The following ADGRL3 variants were observed in gnomAD, a reference collection of about 807,000 sequenced individuals.
ADGRL3 encodes calcium-independent alpha-latrotoxin receptor 3.
Under a neutral mutation model 153.5 loss-of-function variants are expected in ADGRL3, and 62 were observed. The ratio of observed to expected loss-of-function variants is 0.40; its 90% CI spans 0.33 to 0.50. ADGRL3 has a LOEUF of 0.50. Among genes scored for constraint, ADGRL3 ranks in the 20% least tolerant of loss-of-function variants. The pLI is 0.47. For missense variants in ADGRL3, 1,641 were observed against 1,859.4 expected, an observed-to-expected ratio of 0.88 and a Z score of 2.16; for synonymous variants, 710 against 672.5, an observed-to-expected ratio of 1.06 and a Z score of -0.86.
At chr4:61,887,421 C>T (rs1041418443) in intron 9 of ADGRL3, among the ~76,000 whole-genome samples, 2 of 152,112 alleles carry the variant, frequency 1.3e-5, no homozygotes, top group Non-Finnish European at 2.9e-5. Context: ...TGTTTAGTTA[C>T]TACTTGTATG....
chr4:61,349,027 T>C (rs1391004971), intron 1 of ADGRL3, among the ~76,000 whole-genome samples: 2 of 151,932 alleles, frequency 1.3e-5, no homozygotes, highest in African/African-American at 4.8e-5. Context: ...GTGGGAGGGG[T>C]AGTTATTTAA....
intron 8 of ADGRL3, among the ~76,000 whole-genome samples, chr4:61,796,868 A>G (rs1273236909): frequency 8.5e-5 from 13 of 152,252 alleles, no homozygotes; most frequent in Admixed American, 8.5e-4. Context: ...AAAAAAATAC[A>G]AAGAAGTATT....
At chr4:61,579,984 CT>C (rs1264194117) in intron 4 of ADGRL3, among the ~76,000 whole-genome samples, 1 of 152,022 alleles carries the variant, frequency 6.6e-6, no homozygotes, top group South Asian at 2.1e-4. Flanking sequence ...TTTCTTAAAA[CT>C]TAGATAAATG....
intron 8 of ADGRL3, among the ~76,000 whole-genome samples, chr4:61,779,493 G>C (rs2097189379): frequency 6.6e-6 from 1 of 151,704 alleles, no homozygotes; most frequent in Non-Finnish European, 1.5e-5. Flanking sequence ...AATTAGCCGG[G>C]CATGGTGGCA....
At chr4:62,047,093 C>T (rs1731525462) in intron 25 of ADGRL3, among the ~76,000 whole-genome samples, 1 of 151,930 alleles carries the variant, frequency 6.6e-6, no homozygotes, top group Admixed American at 6.6e-5. Context: ...AATCTAGATA[C>T]TACATCTTTA....
chr4:61,411,433 C>T (rs1458810988), intron 2 of ADGRL3, among the ~76,000 whole-genome samples: 1 of 152,154 alleles, frequency 6.6e-6, no homozygotes, highest in Non-Finnish European at 1.5e-5. Flanking sequence ...CAAGTGATGT[C>T]AGCAACAGTA....
intron 9 of ADGRL3, among the ~76,000 whole-genome samples, chr4:61,826,668 T>C: frequency 6.6e-6 from 1 of 152,002 alleles, no homozygotes; most frequent in Admixed American, 6.6e-5. Flanking sequence ...CATACTATGG[T>C]TTCAATTTTT....
At chr4:61,888,780 A>G (rs1433857899) in intron 9 of ADGRL3, among the ~76,000 whole-genome samples, 3 of 152,200 alleles carry the variant, frequency 2.0e-5, no homozygotes, top group Non-Finnish European at 4.4e-5. Flanking sequence ...AATGTCTTTC[A>G]TAACAAATTG....
At chr4:62,037,323 C>A (rs1040513157) in intron 23 of ADGRL3, among the ~76,000 whole-genome samples, 6 of 152,104 alleles carry the variant, frequency 3.9e-5, no homozygotes, top group African/African-American at 1.4e-4. Flanking sequence ...GTCTCTGTAA[C>A]TTCCTAAGTA....
intron 9 of ADGRL3, among the ~76,000 whole-genome samples, chr4:61,821,448 C>T (rs60536298): frequency 0.054 from 8,139 of 151,824 alleles, 371 homozygotes; most frequent in African/African-American, 0.12. Context: ...CCACAACCTC[C>T]GCCTCCCGGG....
At chr4:61,269,164 G>A (rs889280855) in intron 1 of ADGRL3, among the ~76,000 whole-genome samples, 1 of 151,618 alleles carries the variant, frequency 6.6e-6, no homozygotes, top group Non-Finnish European at 1.5e-5. Context: ...ACTTTTGGCT[G>A]GCAGGTGCAG....
At chr4:61,865,599 C>A (rs530803512) in intron 9 of ADGRL3, among the ~76,000 whole-genome samples, 1 of 152,134 alleles carries the variant, frequency 6.6e-6, no homozygotes, top group South Asian at 2.1e-4. Flanking sequence ...GTGTACAGTT[C>A]CAGATGACAG....
chr4:61,649,129 G>C (rs551075995), intron 5 of ADGRL3, among the ~76,000 whole-genome samples: 1 of 151,920 alleles, frequency 6.6e-6, no homozygotes, highest in South Asian at 2.1e-4. Context: ...GATATTTGCA[G>C]TTAAAATGTA....
chr4:61,427,062 A>T (rs907936515), intron 2 of ADGRL3: 3 of 152,072 alleles, frequency 2.0e-5, no homozygotes. Flanking sequence ...TAGTCATCTC[A>T]TGTATGCAGT....
chr4:61,697,994 C>G (rs922759004), intron 6 of ADGRL3, among the ~76,000 whole-genome samples: 2 of 152,120 alleles, frequency 1.3e-5, no homozygotes, highest in Admixed American at 6.6e-5. Flanking sequence ...AAATACTGTT[C>G]AACAGGCTCC....
intron 1 of ADGRL3, among the ~76,000 whole-genome samples, chr4:61,227,559 A>G (rs369902239): frequency 3.8e-4 from 58 of 152,220 alleles, no homozygotes; most frequent in African/African-American, 1.3e-3. Context: ...GAGTTATATC[A>G]AAGTCATAAT....
intron 4 of ADGRL3, among the ~76,000 whole-genome samples, chr4:61,568,869 G>C (rs573167790): frequency 6.6e-6 from 1 of 151,888 alleles, no homozygotes; most frequent in Non-Finnish European, 1.5e-5. Context: ...TCTAATCGTT[G>C]AGATGATGTT....
intron 1 of ADGRL3, among the ~76,000 whole-genome samples, chr4:61,321,869 A>G (rs1052234720): frequency 1.3e-5 from 2 of 152,180 alleles, no homozygotes; most frequent in Non-Finnish European, 2.9e-5. Context: ...AGAAATAAAA[A>G]TAATATAAAT....
intron 8 of ADGRL3, among the ~76,000 whole-genome samples, chr4:61,803,120 C>T (rs747213874): frequency 6.6e-6 from 1 of 151,910 alleles, no homozygotes; most frequent in Non-Finnish European, 1.5e-5. Flanking sequence ...GTACATAGCC[C>T]AGTGAACATT....
Sources: allele counts gnomAD v4.1 joint callset (sites outside exome capture counted in the v4.1 genomes callset), GRCh38; gene constraint gnomAD v4.1.1; transcripts MANE v1.5; gene names NCBI Gene and HGNC (gene_info 2026-07-23, HGNC 2026-07-21).